The following ZNF410 variants were observed in gnomAD, a reference collection of about 807,000 sequenced individuals.
The protein encoded by ZNF410 is another partner for ARF 1.
In ZNF410, 18 loss-of-function variants were observed where a neutral mutation model predicts 54.8. The ratio of observed to expected loss-of-function variants is 0.33; its 90% CI spans 0.23 to 0.49. The LOEUF (loss-of-function observed/expected upper bound fraction) is 0.49, where lower values mean the gene tolerates loss of function less well. Among genes scored for constraint, ZNF410 ranks in the 20% least tolerant of loss-of-function variants. ZNF410 has a pLI of 0.99. For missense variants in ZNF410, 405 were observed against 569.6 expected (o/e 0.71, Z 2.94); for synonymous variants, 191 against 207.3 (o/e 0.92, Z 0.68).
Position 73,931,903 on chromosome 14 carries a change from G to GCTGT in ZNF410, c.*365_*368dup, listed in dbSNP as rs2055921518. The GCTGT allele has an allele frequency of 6.6e-6, 3 of 456,254 alleles. No individual in the cohort carries two copies. Among genetic ancestry groups the GCTGT allele is most frequent in the African/African-American group, 4.0e-5 (2 of 50,308 alleles). 28.3% of individuals were successfully genotyped at this position (456,254 alleles called of 1,614,324 possible). A position where few individuals can be genotyped will look rare whatever the true frequency, so the allele number is the denominator to read the frequency against. ...TTGAAGAGTTTTCATCCCAGACTCAGCTGTCTTTTCACATGGATGAAATAA... is the reference window on the plus strand; with the variant it reads ...TTGAAGAGTTTTCATCCCAGACTCAGCTGTCTGTCTTTTCACATGGATGAAATAA... On this transcript the variant is annotated 3_prime_UTR_variant, in exon 12 of 12. Coordinates refer to ENST00000555044, the MANE Select transcript of ZNF410 (RefSeq NM_021188.3).
At chr14:73,900,112 G>A (rs1020768985) in intron 5 of ZNF410, among the ~76,000 whole-genome samples, 1 of 150,984 alleles carries the variant, frequency 6.6e-6, no homozygotes, top group Non-Finnish European at 1.5e-5. Flanking sequence ...AGAACTGCTT[G>A]AACCCGGGAG....
At chr14:73,916,356 A>G (rs2055667130) in intron 8 of ZNF410, 1 of 152,046 alleles carries the variant, frequency 6.6e-6, no homozygotes, top group Non-Finnish European at 1.5e-5. Context: ...TAATGTTTGC[A>G]TATTTTTTAG....
At chr14:73,919,886 G>GTTTTTTTTTTTTTTTTTTTTTTT (rs1158550117) in intron 8 of ZNF410, among the ~76,000 whole-genome samples, 2 of 62,028 alleles carry the variant, frequency 3.2e-5, no homozygotes, top group Non-Finnish European at 5.8e-5. Flanking sequence ...TATTGTATAG[G>GTTTTTTTTTTTTTTTTTTTTTTT]TTTTTTTTTT....
rs11557428 is a variant in ZNF410, at chr14:73,896,531, G to T, written c.385G>T (p.Ala129Ser). The change falls in exon 4 of 12, where the codon GCA becomes TCA. Residue 129 changes from alanine to serine, a missense_variant. By Grantham distance (99) the Ala-to-Ser change is moderately conservative. Around this residue, in one of 3 missense-constraint regions of ZNF410, gnomAD observed 247 missense variants for 342.8 expected, o/e 0.72. Coordinates refer to ENST00000555044, the MANE Select transcript of ZNF410 (RefSeq NM_021188.3). The stretch of plus-strand genomic sequence containing the variant: ...TTTTATTCTTCTTAACCTAACAAGA[G>T]CAGGTATTCTTTCCTTTTTTTTGGG... The part of the protein sequence containing the change: ...TSFILLNLTR[A>S]GLGSSAEHLV... 42 of 1,613,112 alleles carry T rather than the reference G, an allele frequency of 2.6e-5. No homozygotes were observed. Among genetic ancestry groups the T allele is most frequent in the Admixed American group, 3.3e-5 (2 of 59,774 alleles).
rs550462364 is a variant in ZNF410, at chr14:73,910,989, G to A, written c.1003+1559G>A. Reference sequence around the variant, plus strand: ...GGATGATGAGTGCTAGAGGGGCTCTGTAGACTAGCCTTGTAAGTTTGTTGG... The same window carrying A: ...GGATGATGAGTGCTAGAGGGGCTCTATAGACTAGCCTTGTAAGTTTGTTGG... On this transcript the variant is annotated intron_variant, in intron 8 of 11. Transcript: ENST00000555044. Among the ~76,000 whole-genome samples, 42 of 152,196 alleles carry A rather than the reference G, an allele frequency of 2.8e-4. 1 individual carries two copies. In the South Asian group the frequency reaches 8.5e-3, roughly 31 times the overall value.
chr14:73,897,317 G>A (rs2055332409), intron 4 of ZNF410, among the ~76,000 whole-genome samples: 2 of 152,078 alleles, frequency 1.3e-5, no homozygotes, highest in Non-Finnish European at 2.9e-5. Flanking sequence ...AAAGGAACAG[G>A]GAAGAAGGTA....
intron 1 of ZNF410, among the ~76,000 whole-genome samples, chr14:73,888,856 CCTG>C (rs1199347338): frequency 7.2e-5 from 11 of 152,162 alleles, no homozygotes; most frequent in African/African-American, 2.7e-4. Flanking sequence ...CTTAATGCAT[CCTG>C]CTATTTTTTA....
At chr14:73,908,872 C>G (rs574577783) in intron 7 of ZNF410, among the ~76,000 whole-genome samples, 1 of 152,170 alleles carries the variant, frequency 6.6e-6, no homozygotes, top group Admixed American at 6.5e-5. Context: ...GGGTCTCTCT[C>G]TCTGTAGCCC....
At chr14:73,910,672 GAACCTGGGA>G (rs1163844678) in intron 8 of ZNF410, among the ~76,000 whole-genome samples, 2 of 149,774 alleles carry the variant, frequency 1.3e-5, no homozygotes, top group South Asian at 4.2e-4. Flanking sequence ...AGAACTGCTT[GAACCTGGGA>G]GGCAGAGGTT....
chr14:73,889,929 T>G (rs1299930580), intron 1 of ZNF410, among the ~76,000 whole-genome samples: 1 of 151,606 alleles, frequency 6.6e-6, no homozygotes, highest in African/African-American at 2.4e-5. Context: ...CCTGAGTAGC[T>G]GGGTCTGCAG....
intron 8 of ZNF410, among the ~76,000 whole-genome samples, chr14:73,918,714 T>C (rs12897375): frequency 0.096 from 10,777 of 112,846 alleles, 1,001 homozygotes; most frequent in African/African-American, 0.23. Context: ...TTTTTTTTTT[T>C]CCCCTAAACG....
At chr14:73,915,436 C>G (rs1026819290) in intron 8 of ZNF410, among the ~76,000 whole-genome samples, 4 of 151,514 alleles carry the variant, frequency 2.6e-5, no homozygotes, top group Admixed American at 1.3e-4. Flanking sequence ...CTCCTGAGTT[C>G]AAGCGATTCT....
At chr14:73,897,124 A>G (rs553852265) in intron 4 of ZNF410, among the ~76,000 whole-genome samples, 1 of 152,314 alleles carries the variant, frequency 6.6e-6, no homozygotes, top group East Asian at 1.9e-4. Flanking sequence ...ATACTAAATC[A>G]TGCCAAATAC....
chr14:73,921,111 G>C lies in ZNF410; in HGVS notation c.1129+6G>C, dbSNP rs995283586. ...TCAAGAGCAGGAGCAAACTGGTGAGGAGGGTGGGCATAGTGGAACGCTGTA... is the reference window on the plus strand; with the variant it reads ...TCAAGAGCAGGAGCAAACTGGTGAGCAGGGTGGGCATAGTGGAACGCTGTA... On this transcript the variant is annotated splice_donor_region_variant and intron_variant, in intron 9 of 11. Transcript: ENST00000555044. The C allele has an allele frequency of 1.2e-6, 2 of 1,613,770 alleles. No homozygotes were observed. Among genetic ancestry groups the C allele is most frequent in the Non-Finnish European group, 8.5e-7 (1 of 1,179,918 alleles).
rs1229026058 is a variant in ZNF410 at position 73,923,403 on chromosome 14, G to A, written c.1279G>A (p.Ala427Thr). 1 of 1,613,226 alleles carries A rather than the reference G, an allele frequency of 6.2e-7. No homozygotes were observed. The highest frequency in any genetic ancestry group is 2.2e-5 in the East Asian group (1 of 44,854). The stretch of plus-strand genomic sequence containing the variant: ...TTTCTGTTGCTTCACAGAGGTGCTT[G>A]CTGAAGGATCCCCACGTTCCCTGTC... Reference protein sequence around the residue: ...SILGVDDEVLAEGSPRSLSSV... With the variant: ...SILGVDDEVLTEGSPRSLSSV... Residue 427 changes from alanine (A) to threonine (T), a missense_variant, in exon 11 of 12, where the codon GCT (alanine) becomes ACT (threonine). Ala to Thr is a moderately conservative substitution (Grantham distance 58). Transcript: ENST00000555044.
intron 3 of ZNF410, among the ~76,000 whole-genome samples, chr14:73,895,909 A>G (rs2055309963): frequency 6.6e-6 from 1 of 152,256 alleles, no homozygotes; most frequent in South Asian, 2.1e-4. Flanking sequence ...GCACCAACCT[A>G]ATACAAAAGT....
chr14:73,907,729 TA>T (rs1280546698), intron 7 of ZNF410, among the ~76,000 whole-genome samples: 2 of 151,604 alleles, frequency 1.3e-5, no homozygotes, highest in Non-Finnish European at 2.9e-5. Flanking sequence ...CCATCTCTAC[TA>T]AAAATACAAA....
chr14:73,909,339 A>G lies in ZNF410; in HGVS notation c.914-2A>G. The stretch of plus-strand genomic sequence containing the variant: ...AGTCTTTATCTCATTTTCTGTCTCT[A>G]GGAGAGAAACCTTTCCTTTGTGAAG... On this transcript the variant is annotated splice_acceptor_variant, in intron 7 of 11. Coordinates refer to ENST00000555044, the MANE Select transcript of ZNF410 (RefSeq NM_021188.3). LOFTEE classifies it high-confidence loss of function. The G allele has an allele frequency of 1.2e-6, 2 of 1,612,876 alleles. No homozygotes were observed. The highest frequency in any genetic ancestry group is 1.7e-6 in the Non-Finnish European group (2 of 1,179,502).
At chr14:73,925,983 G>A (rs927284150) in intron 11 of ZNF410, among the ~76,000 whole-genome samples, 1 of 152,212 alleles carries the variant, frequency 6.6e-6, no homozygotes, top group South Asian at 2.1e-4. Context: ...ACAGTGAGCA[G>A]TGACTGTGCC....
Sources: gnomAD v4.1 joint callset for allele counts (sites outside exome capture counted in the v4.1 genomes callset) on GRCh38, gnomAD v4.1.1 for gene constraint, gnomAD v4.1.1 regional missense constraint, MANE v1.5 for transcripts, NCBI Gene and HGNC (gene_info 2026-07-23, HGNC 2026-07-21) for gene names.